DAB1: variants seen among roughly 807,000 people sequenced by gnomAD.
DAB1 encodes disabled homolog 1.
Under a neutral mutation model 64.6 loss-of-function variants are expected in DAB1, and 15 were observed. The observed-to-expected ratio is 0.23, with a 90% CI of 0.16 to 0.36. The LOEUF (loss-of-function observed/expected upper bound fraction) is 0.36. Among genes scored for constraint, DAB1 ranks in the 10% least tolerant of loss-of-function variants. DAB1 has a pLI of 1.00. For missense variants in DAB1, 596 were observed against 706.7 expected (o/e 0.84, Z 1.78); for synonymous variants, 235 against 251.9 (o/e 0.93, Z 0.64).
intron 5 of DAB1, among the ~76,000 whole-genome samples, chr1:58,024,535 G>A: frequency 6.6e-6 from 1 of 152,162 alleles, no homozygotes. Context: ...TACACCCACT[G>A]TGTCATGGGC....
intron 6 of DAB1, among the ~76,000 whole-genome samples, chr1:57,745,074 A>G (rs1243639302): frequency 6.6e-6 from 1 of 152,212 alleles, no homozygotes; most frequent in Non-Finnish European, 1.5e-5. Context: ...AGTAATTGGT[A>G]ATGACCTTGG....
chr1:57,862,944 A>G (rs917579992), intron 1 of DAB1: 2 of 152,174 alleles, frequency 1.3e-5, no homozygotes, highest in Non-Finnish European at 2.9e-5. Flanking sequence ...ATACAAGGAA[A>G]ATGACAACAT....
chr1:57,605,175 G>A (rs1462760589), intron 7 of DAB1, among the ~76,000 whole-genome samples: 1 of 152,114 alleles, frequency 6.6e-6, no homozygotes, highest in African/African-American at 2.4e-5. Flanking sequence ...ATTTCCTACT[G>A]TCTTTCCATG....
intron 5 of DAB1, among the ~76,000 whole-genome samples, chr1:58,073,409 G>T (rs902740686): frequency 6.6e-6 from 1 of 152,066 alleles, no homozygotes; most frequent in Non-Finnish European, 1.5e-5. Context: ...TGGGCTCATA[G>T]AGCACCCTGT....
chr1:58,213,659 AGG>A (rs1426553685), intron 4 of DAB1, among the ~76,000 whole-genome samples: 1 of 152,162 alleles, frequency 6.6e-6, no homozygotes, highest in Non-Finnish European at 1.5e-5. Flanking sequence ...CTACAATTCA[AGG>A]TGAGATTTGG....
At chr1:58,390,243 C>A (rs1360740002) in intron 3 of DAB1, among the ~76,000 whole-genome samples, 1 of 152,108 alleles carries the variant, frequency 6.6e-6, no homozygotes, top group Non-Finnish European at 1.5e-5. Flanking sequence ...CACCCCTACC[C>A]CCAGCCATCA....
chr1:57,229,609 A>G (rs181273187), intron 2 of DAB1, among the ~76,000 whole-genome samples: 114 of 152,324 alleles, frequency 7.5e-4, no homozygotes, highest in Middle Eastern at 3.4e-3. Context: ...ATTCTCTATA[A>G]TCATCTGTAT....
intron 4 of DAB1, among the ~76,000 whole-genome samples, chr1:58,243,951 C>A (rs1191708978): frequency 6.6e-6 from 1 of 151,784 alleles, no homozygotes; most frequent in African/African-American, 2.4e-5. Context: ...AAAACACACA[C>A]ACAAGAAAAA....
chr1:57,251,183 C>A (rs759631450), intron 2 of DAB1, among the ~76,000 whole-genome samples: 1 of 152,164 alleles, frequency 6.6e-6, no homozygotes, highest in Non-Finnish European at 1.5e-5. Context: ...ATGTGAATGA[C>A]CGTCCTTGAA....
chr1:57,917,066 T>C (rs1177645036), intron 5 of DAB1, among the ~76,000 whole-genome samples: 1 of 152,186 alleles, frequency 6.6e-6, no homozygotes, highest in Non-Finnish European at 1.5e-5. Context: ...AACCACTATG[T>C]TCTCCTGCCT....
rs78827865 is a variant in DAB1, at chr1:57,097,060, C to G, written c.307-24646G>C. Among the ~76,000 whole-genome samples the G allele has an allele frequency of 4.9e-3, 746 of 152,194 alleles. 7 individuals carry two copies. The highest frequency in any genetic ancestry group is 0.017 in the African/African-American group (706 of 41,516). Reference sequence around the variant, plus strand: ...TTTTTGTTAATATATCCTCAGTACCCAGATTAGTATCTAGCAATGAGTGTT... The same window carrying G: ...TTTTTGTTAATATATCCTCAGTACCGAGATTAGTATCTAGCAATGAGTGTT... On this transcript the variant is annotated intron_variant, in intron 4 of 14. Coordinates refer to ENST00000371236, the MANE Select transcript of DAB1 (RefSeq NM_001365792.1).
intron 6 of DAB1, among the ~76,000 whole-genome samples, chr1:57,709,133 C>T (rs1038813024): frequency 1.3e-5 from 2 of 152,034 alleles, no homozygotes. Flanking sequence ...TAAATTAGAA[C>T]ATTTGGTCCT....
At chr1:57,291,253 A>G (rs1672754031) in intron 1 of DAB1, 87 bp from the exon 2 acceptor site, 1 of 388,574 alleles carries the variant, frequency 2.6e-6, no homozygotes, top group Non-Finnish European at 4.6e-6. Context: ...GCAAACATAT[A>G]CAAACAAAAT....
At chr1:58,534,084 A>T in intron 1 of DAB1, 1 of 868,802 alleles carries the variant, frequency 1.2e-6, no homozygotes, top group African/African-American at 1.6e-5. Flanking sequence ...AAAATAATGT[A>T]AGCAATTAGA....
intron 1 of DAB1, among the ~76,000 whole-genome samples, chr1:57,340,585 T>C (rs1420227854): frequency 6.6e-6 from 1 of 152,194 alleles, no homozygotes; most frequent in Admixed American, 6.5e-5. Context: ...CTACATTTGC[T>C]TCAATTCCTT....
chr1:57,300,910 G>A (rs1181378951), intron 1 of DAB1, among the ~76,000 whole-genome samples: 1 of 151,852 alleles, frequency 6.6e-6, no homozygotes, highest in Non-Finnish European at 1.5e-5. Flanking sequence ...CAGGTGACAG[G>A]GGCCACCACA....
chr1:57,615,574 G>GT (rs1645781859), intron 7 of DAB1, among the ~76,000 whole-genome samples: 1 of 152,174 alleles, frequency 6.6e-6, no homozygotes, highest in Non-Finnish European at 1.5e-5. Flanking sequence ...ACTTGGAACT[G>GT]TAACTAATCC....
intron 1 of DAB1, among the ~76,000 whole-genome samples, chr1:57,364,607 G>A (rs1679819041): frequency 6.6e-6 from 1 of 151,766 alleles, no homozygotes; most frequent in Non-Finnish European, 1.5e-5. Flanking sequence ...AATATTTGTA[G>A]CAATATATTT....
chr1:57,540,739 C>T (rs1391393574), intron 7 of DAB1, among the ~76,000 whole-genome samples: 1 of 152,168 alleles, frequency 6.6e-6, no homozygotes, highest in Non-Finnish European at 1.5e-5. Context: ...CACAAGTTCT[C>T]ATTTATATAC....
Sources: allele counts gnomAD v4.1 joint callset (sites outside exome capture counted in the v4.1 genomes callset), GRCh38; gene constraint gnomAD v4.1.1; transcripts MANE v1.5; gene names NCBI Gene and HGNC (gene_info 2026-07-23, HGNC 2026-07-21).